DMXL1: variants seen among roughly 807,000 people sequenced by gnomAD.
The protein encoded by DMXL1 is dmX-like protein 1.
DMXL1 carries 99 observed loss-of-function variants against 319.2 expected under a neutral mutation model. That is an observed-to-expected ratio of 0.31 (90% confidence interval 0.26 to 0.37). The LOEUF (loss-of-function observed/expected upper bound fraction) is 0.37. DMXL1 is among the 10% of genes least tolerant of loss of function. DMXL1 has a pLI of 1.00. For synonymous variants in DMXL1, 1,385 were observed against 1,235.2 expected, an observed-to-expected ratio of 1.12 and a Z score of -2.54; for missense variants, 3,745 against 3,595.6, an observed-to-expected ratio of 1.04 and a Z score of -1.06.
chr5:119,177,892 C>T (rs73242987), intron 27 of DMXL1, 104 bp from the exon 28 acceptor site: 1 of 1,055,350 alleles, frequency 9.5e-7, no homozygotes, highest in Non-Finnish European at 1.3e-6. Context: ...ACAGTATTAA[C>T]TCCTGATGCA....
At chr5:119,226,937 A>G (rs1165652048) in intron 38 of DMXL1, among the ~76,000 whole-genome samples, 1 of 152,198 alleles carries the variant, frequency 6.6e-6, no homozygotes, top group African/African-American at 2.4e-5. Context: ...GTGCACTACA[A>G]ACCTGGCACA....
Position 119,071,096 on chromosome 5 carries a change from T to G in DMXL1, c.-474T>G. 6.0e-6 allele frequency: 1 copy of G among 166,812 alleles called. No individual in the cohort carries two copies. The highest frequency in any genetic ancestry group is 1.2e-4 in the South Asian group (1 of 8,336). The allele number at this position is 166,812 out of a possible 1,614,324, so 10.3% of individuals were successfully genotyped here. A position where few individuals can be genotyped will look rare whatever the true frequency, so the allele number is the denominator to read the frequency against. ...TCGGCCGCAGGGATCCAGAGGCGCG[T>G]AGTGAGTGGCGGAGGACTGTGGGGG... On this transcript the variant is annotated 5_prime_UTR_variant, in exon 1 of 44. Coordinates refer to ENST00000539542, the MANE Select transcript of DMXL1 (RefSeq NM_001290321.3).
chr5:119,147,586 A>G, intron 17 of DMXL1, 116 bp downstream of exon 17: 1 of 680,178 alleles, frequency 1.5e-6, no homozygotes, highest in South Asian at 2.1e-5. Context: ...AATGGAAATA[A>G]TATATTCAAG....
chr5:119,086,781 T>C (rs1048945697), intron 1 of DMXL1, among the ~76,000 whole-genome samples: 19 of 152,082 alleles, frequency 1.2e-4, no homozygotes, highest in African/African-American at 4.3e-4. Flanking sequence ...GTAGAGTTGG[T>C]ATTAGTTCTT....
chr5:119,112,881 C>T (rs148124418), intron 5 of DMXL1, among the ~76,000 whole-genome samples: 5 of 150,442 alleles, frequency 3.3e-5, no homozygotes, highest in Non-Finnish European at 7.4e-5. Flanking sequence ...AGCTTGAACC[C>T]GGTGGTGGAG....
chr5:119,086,273 A>T (rs1034324398), intron 1 of DMXL1, among the ~76,000 whole-genome samples: 1 of 152,220 alleles, frequency 6.6e-6, no homozygotes, highest in South Asian at 2.1e-4. Flanking sequence ...ATTATCTCCC[A>T]CCTGGTCCCT....
At chr5:119,215,866 T>C (rs113394695) in intron 34 of DMXL1, among the ~76,000 whole-genome samples, 7,431 of 151,966 alleles carry the variant, frequency 0.049, 532 homozygotes, top group African/African-American at 0.16. Context: ...GAGGCCAAGG[T>C]GGCCAAATCA....
intron 1 of DMXL1, among the ~76,000 whole-genome samples, chr5:119,088,837 A>G (rs1241205927): frequency 1.3e-5 from 2 of 152,128 alleles, no homozygotes; most frequent in African/African-American, 2.4e-5. Context: ...CCTGTCTCTT[A>G]AAAAGTTATT....
In DMXL1 at chr5:119,150,384, A is replaced by T. The variant is rs762486266; in HGVS notation, c.4557A>T (p.Thr1519=). Residue 1519 remains threonine, a synonymous_variant, in exon 18 of 44, where the codon ACA becomes ACT. Transcript: ENST00000539542. ...CCTTAGCAGATACAATTGCAACTAC[A>T]AGCACTGATATTGGAGAAAGCCGAG... is the stretch of plus-strand genomic sequence containing the variant. ...LMALADTIAT[T]STDIGESRDR... 1 of 1,613,502 alleles carries T rather than the reference A, an allele frequency of 6.2e-7. No homozygotes were observed. The highest frequency in any genetic ancestry group is 8.5e-7 in the Non-Finnish European group (1 of 1,179,688).
Position 119,120,976 on chromosome 5 carries a change from T to C in DMXL1, c.939T>C (p.Asn313=), listed in dbSNP as rs115635986. The change falls in exon 9 of 44, where the codon AAT becomes AAC. Residue 313 remains asparagine (N), a synonymous_variant. Transcript: ENST00000539542. ...TTTTGTTTCTATTCACACAGGTAAATCTGAGACATTTTCGTAGAGGTCGGA... is the reference window on the plus strand; with the variant it reads ...TTTTGTTTCTATTCACACAGGTAAACCTGAGACATTTTCGTAGAGGTCGGA... ...KERVQNALEV[N]LRHFRRGRRR... is the part of the protein sequence containing the mutation. 1,405 of 1,608,410 alleles carry C rather than the reference T, an allele frequency of 8.7e-4. 9 individuals are homozygous for C. The African/African-American group carries it at 0.017, about 19-fold the overall frequency.
At chr5:119,168,187 A>G (rs986533610) in intron 23 of DMXL1, among the ~76,000 whole-genome samples, 5 of 152,224 alleles carry the variant, frequency 3.3e-5, no homozygotes, top group African/African-American at 1.2e-4. Flanking sequence ...GTGTTTGTCA[A>G]TCAGTTTTAG....
At chr5:119,215,940 A>T (rs1783605459) in intron 34 of DMXL1, among the ~76,000 whole-genome samples, 1 of 151,886 alleles carries the variant, frequency 6.6e-6, no homozygotes, top group African/African-American at 2.4e-5. Flanking sequence ...TACTAAAAAT[A>T]CAAAACTTAG....
intron 6 of DMXL1, among the ~76,000 whole-genome samples, chr5:119,115,048 C>G (rs1372246132): frequency 1.3e-5 from 2 of 152,122 alleles, no homozygotes; most frequent in Admixed American, 6.6e-5. Flanking sequence ...ATTACATAGA[C>G]TTAGGGGCAG....
intron 25 of DMXL1, among the ~76,000 whole-genome samples, chr5:119,173,776 G>GTGTATGTATATATATATA: frequency 8.9e-5 from 6 of 67,172 alleles, no homozygotes; most frequent in African/African-American, 3.3e-4. Context: ...ATGTGTGTGT[G>GTGTATGTATATATATATA]TATATATATA....
At chr5:119,188,569 T>C (rs1561831544) in intron 28 of DMXL1, among the ~76,000 whole-genome samples, 1 of 152,228 alleles carries the variant, frequency 6.6e-6, no homozygotes, top group Non-Finnish European at 1.5e-5. Context: ...TGTGTGTTAA[T>C]GTATGCAGCA....
intron 23 of DMXL1, among the ~76,000 whole-genome samples, chr5:119,169,551 A>G (rs1158297311): frequency 1.3e-5 from 2 of 152,300 alleles, no homozygotes; most frequent in South Asian, 2.1e-4. Context: ...GAAATGAGTG[A>G]GTTAATCAGT....
intron 43 of DMXL1, among the ~76,000 whole-genome samples, chr5:119,246,624 CTTTT>C (rs1789827785): frequency 8.3e-6 from 1 of 120,652 alleles, no homozygotes; most frequent in Non-Finnish European, 1.6e-5. Flanking sequence ...GGTTTCTTTT[CTTTT>C]CCTTTTTTTT....
intron 25 of DMXL1, among the ~76,000 whole-genome samples, chr5:119,172,268 A>G (rs2150273546): frequency 6.6e-6 from 1 of 152,330 alleles, no homozygotes; most frequent in East Asian, 1.9e-4. Context: ...CATTTAACCA[A>G]AAAGCTCATT....
chr5:119,196,803 G>A (rs991555229), intron 31 of DMXL1, among the ~76,000 whole-genome samples: 1 of 152,114 alleles, frequency 6.6e-6, no homozygotes, highest in African/African-American at 2.4e-5. Flanking sequence ...GGAAAAGATT[G>A]TACAGGAAAG....
Sources: gnomAD v4.1 joint callset for allele counts (sites outside exome capture counted in the v4.1 genomes callset) on GRCh38, gnomAD v4.1.1 for gene constraint, MANE v1.5 for transcripts, NCBI Gene and HGNC (gene_info 2026-07-23, HGNC 2026-07-21) for gene names.